EXOC2: variants seen among roughly 807,000 people sequenced by gnomAD.
EXOC2 encodes SEC5-like 1.
Under a neutral mutation model 131.8 loss-of-function variants are expected in EXOC2, and 70 were observed. That is an observed-to-expected ratio of 0.53 (90% confidence interval 0.44 to 0.65). The LOEUF (loss-of-function observed/expected upper bound fraction) is 0.65. Among genes scored for constraint, EXOC2 ranks in the 30% least tolerant of loss-of-function variants. The probability of loss-of-function intolerance (pLI) is 0.00; values close to 1 mark genes in which losing one functional copy is unlikely to be tolerated. For missense variants in EXOC2, 923 were observed against 1,108.6 expected (o/e 0.83, Z 2.38); for synonymous variants, 411 against 398.4 (o/e 1.03, Z -0.38).
At chr6:665,939 A>G (rs1763625369) in intron 1 of EXOC2, among the ~76,000 whole-genome samples, 1 of 151,596 alleles carries the variant, frequency 6.6e-6, no homozygotes, top group East Asian at 1.9e-4. Flanking sequence ...AAATAAAAAT[A>G]AAAATAAGAG....
intron 7 of EXOC2, among the ~76,000 whole-genome samples, chr6:603,801 T>C (rs1450097690): frequency 1.3e-5 from 2 of 152,210 alleles, no homozygotes; most frequent in Non-Finnish European, 2.9e-5. Flanking sequence ...ACCATCTTTA[T>C]GCTGGTGACT....
Position 564,525 on chromosome 6 carries a change from G to A in EXOC2, c.1667+20C>T, listed in dbSNP as rs753706058. Reference sequence around the variant, plus strand: ...AAAAAACAGAAGTACGCCTTTCTCTGAGAATGTGTCCATACTCACCTTACA... The same window carrying A: ...AAAAAACAGAAGTACGCCTTTCTCTAAGAATGTGTCCATACTCACCTTACA... On this transcript the variant is annotated intron_variant, in intron 15 of 27. Transcript: ENST00000230449. 1.2e-6 allele frequency: 2 copies of A among 1,613,518 alleles called. No individual in the cohort carries two copies. Among genetic ancestry groups the A allele is most frequent in the Non-Finnish European group, 1.7e-6 (2 of 1,179,892 alleles).
At chr6:621,752 G>A (rs765277986) in intron 4 of EXOC2, among the ~76,000 whole-genome samples, 18 of 152,148 alleles carry the variant, frequency 1.2e-4, no homozygotes, top group Non-Finnish European at 2.4e-4. Context: ...ATTACTTGCT[G>A]GTCCTTTTCA....
chr6:642,227 A>C (rs566735877), intron 1 of EXOC2, among the ~76,000 whole-genome samples: 2 of 152,306 alleles, frequency 1.3e-5, no homozygotes, highest in African/African-American at 4.8e-5. Flanking sequence ...TCCTTCTATT[A>C]AACTTCTACT....
intron 22 of EXOC2, among the ~76,000 whole-genome samples, chr6:535,136 A>AATCAAT (rs1442651027): frequency 6.6e-6 from 1 of 152,176 alleles, no homozygotes; most frequent in African/African-American, 2.4e-5. Flanking sequence ...AAAGAACAGA[A>AATCAAT]ATCAATATCT....
At chr6:599,879 C>T (rs1459624531) in intron 7 of EXOC2, among the ~76,000 whole-genome samples, 1 of 151,050 alleles carries the variant, frequency 6.6e-6, no homozygotes, top group Non-Finnish European at 1.5e-5. Flanking sequence ...ACCTAAAAGA[C>T]CCCAAACCAT....
chr6:602,558 C>T (rs1388211462), intron 7 of EXOC2, among the ~76,000 whole-genome samples: 2 of 152,298 alleles, frequency 1.3e-5, no homozygotes, highest in Non-Finnish European at 2.9e-5. Context: ...CATCAGTGTC[C>T]AACCACAGAA....
At chr6:552,689 G>A (rs1757210591) in intron 21 of EXOC2, among the ~76,000 whole-genome samples, 1 of 151,950 alleles carries the variant, frequency 6.6e-6, no homozygotes, top group Non-Finnish European at 1.5e-5. Context: ...CTCAGTGAAT[G>A]GTATCATTCT....
At chr6:581,648 C>T (rs1758912210) in intron 11 of EXOC2, among the ~76,000 whole-genome samples, 1 of 151,914 alleles carries the variant, frequency 6.6e-6, no homozygotes, top group South Asian at 2.1e-4. Context: ...TTTTAACTTC[C>T]CCACATTAGT....
intron 22 of EXOC2, among the ~76,000 whole-genome samples, chr6:539,110 C>T (rs763497750): frequency 5.9e-5 from 9 of 151,646 alleles, no homozygotes; most frequent in Non-Finnish European, 8.8e-5. Context: ...GTAGAAAATG[C>T]GCTTACGATA....
In EXOC2 at chr6:637,873, G is replaced by C; in HGVS notation, c.-43-12C>G. 1 of 1,533,126 alleles carries C rather than the reference G, an allele frequency of 6.5e-7. No homozygotes were observed. Among genetic ancestry groups the C allele is most frequent in the South Asian group, 1.2e-5 (1 of 85,446 alleles). The allele number at this position is 1,533,126 out of a possible 1,614,324, so 95.0% of individuals were successfully genotyped here. A position where few individuals can be genotyped will look rare whatever the true frequency, so the allele number is the denominator to read the frequency against. ...GTTAGAGAAGTAATCTGTTAAAAGA[G>C]AAAGAAAAAAGGATTAGTACCAACT... On this transcript the variant is annotated splice_polypyrimidine_tract_variant and intron_variant, in intron 1 of 27. Transcript: ENST00000230449.
At chr6:552,805 T>C (rs1757216465) in intron 21 of EXOC2, among the ~76,000 whole-genome samples, 1 of 152,118 alleles carries the variant, frequency 6.6e-6, no homozygotes, top group African/African-American at 2.4e-5. Flanking sequence ...TATTCATACT[T>C]ACATATATAG....
intron 23 of EXOC2, among the ~76,000 whole-genome samples, chr6:521,026 CCACCGAGCGCCGA>C (rs1421304590): frequency 2.8e-4 from 42 of 147,712 alleles, no homozygotes; most frequent in African/African-American, 9.7e-4. Context: ...AAACAACCGC[CCACCGAGCGCCGA>C]CACTCGCCGT....
At chr6:588,680 A>G (rs547278678) in intron 11 of EXOC2, among the ~76,000 whole-genome samples, 2 of 152,312 alleles carry the variant, frequency 1.3e-5, no homozygotes, top group African/African-American at 4.8e-5. Flanking sequence ...AGATGAAGTA[A>G]TGAAAGTAAC....
intron 1 of EXOC2, among the ~76,000 whole-genome samples, chr6:683,843 G>A (rs892309884): frequency 3.3e-5 from 5 of 152,296 alleles, no homozygotes; most frequent in Middle Eastern, 3.4e-3. Flanking sequence ...CAACAGTGCC[G>A]TTAACATTTC....
intron 23 of EXOC2, among the ~76,000 whole-genome samples, chr6:529,451 C>T (rs1351137466): frequency 3.3e-5 from 5 of 152,154 alleles, no homozygotes; most frequent in South Asian, 2.1e-4. Context: ...TCCTCTTTCT[C>T]GGTAACAATC....
intron 11 of EXOC2, among the ~76,000 whole-genome samples, chr6:580,720 AC>A (rs1465946770): frequency 6.6e-6 from 1 of 152,116 alleles, no homozygotes; most frequent in African/African-American, 2.4e-5. Context: ...TGTAAAATAT[AC>A]CTGTAAAGAT....
intron 11 of EXOC2, 148 bp from the exon 12 acceptor site, chr6:577,030 T>G (rs982326899): frequency 4.2e-6 from 3 of 717,504 alleles, no homozygotes; most frequent in African/African-American, 1.9e-5. Flanking sequence ...ATAAAAAGTA[T>G]TTTCTCTAAA....
At chr6:628,531 G>A (rs1369169669) in intron 4 of EXOC2, among the ~76,000 whole-genome samples, 1 of 152,148 alleles carries the variant, frequency 6.6e-6, no homozygotes, top group Non-Finnish European at 1.5e-5. Context: ...AAGAAATCAC[G>A]TTTATGATAG....
Sources: allele counts gnomAD v4.1 joint callset (sites outside exome capture counted in the v4.1 genomes callset), GRCh38; gene constraint gnomAD v4.1.1; transcripts MANE v1.5; gene names NCBI Gene and HGNC (gene_info 2026-07-23, HGNC 2026-07-21).